Variants in TMEM243 observed in about 807,000 individuals in gnomAD.
TMEM243 encodes the protein MDR1 and mitochondrial taxol resistance associated.
TMEM243 carries 20 observed loss-of-function variants against 15.0 expected under a neutral mutation model. The ratio of observed to expected loss-of-function variants is 1.33; its 90% CI spans 0.94 to 1.93. The LOEUF (loss-of-function observed/expected upper bound fraction) is 1.93. TMEM243 is among the 30% of genes most tolerant of loss of function. TMEM243 has a pLI of 0.00. For synonymous variants in TMEM243, 72 were observed against 52.7 expected (o/e 1.37, Z -1.59); for missense variants, 156 against 142.1 (o/e 1.10, Z -0.50).
intron 1 of TMEM243, among the ~76,000 whole-genome samples, chr7:87,200,039 A>G (rs1562877391): frequency 6.6e-6 from 1 of 152,190 alleles, no homozygotes; most frequent in Non-Finnish European, 1.5e-5. Flanking sequence ...TGGGAAGGAC[A>G]CAGGAACAAT....
chr7:87,213,580 TTTCTC>T (rs1251441101), intron 1 of TMEM243, among the ~76,000 whole-genome samples: 1 of 152,200 alleles, frequency 6.6e-6, no homozygotes, highest in Non-Finnish European at 1.5e-5. Flanking sequence ...CTTTATTCTT[TTTCTC>T]TTCTTTGCAT....
rs955579237 is a variant in TMEM243, at chr7:87,219,607, T to G, written c.-104A>C. 3 of 1,042,254 alleles carry G rather than the reference T, an allele frequency of 2.9e-6. No individual in the cohort carries two copies. The highest frequency in any genetic ancestry group is 2.6e-5 in the East Asian group (1 of 38,878). 64.6% of individuals were successfully genotyped at this position (1,042,254 alleles called of 1,614,324 possible). A position where few individuals can be genotyped will look rare whatever the true frequency, so the allele number is the denominator to read the frequency against. On this transcript the variant is annotated 5_prime_UTR_variant, in exon 1 of 4. An upstream start codon of the reference 5' UTR is lost. Coordinates refer to ENST00000257637, the MANE Select transcript of TMEM243 (RefSeq NM_024315.4). ...AAGCCTCCTCCTCACGGCTCCCGCA[T>G]AGCCGAACCCGAGTGGTCGGGGAAG...
chr7:87,219,401 G>C (rs201692599), intron 1 of TMEM243, 25 bp downstream of exon 1: 256 of 1,611,592 alleles, frequency 1.6e-4, no homozygotes, highest in Non-Finnish European at 2.1e-4. Flanking sequence ...CCCCATCCCA[G>C]TCTGGAGTCA....
chr7:87,212,052 T>G (rs1301925576), intron 1 of TMEM243, among the ~76,000 whole-genome samples: 1 of 152,206 alleles, frequency 6.6e-6, no homozygotes, highest in Non-Finnish European at 1.5e-5. Flanking sequence ...ATTTTAAAAG[T>G]TACAACTTTT....
At chr7:87,197,465 C>A (rs1431797090) in intron 3 of TMEM243, among the ~76,000 whole-genome samples, 1 of 152,036 alleles carries the variant, frequency 6.6e-6, no homozygotes, top group Non-Finnish European at 1.5e-5. Context: ...ACAACAACTG[C>A]AGCTTTAGAT....
chr7:87,209,782 GAC>G (rs1455151429), intron 1 of TMEM243, among the ~76,000 whole-genome samples: 1 of 142,976 alleles, frequency 7.0e-6, no homozygotes, highest in Non-Finnish European at 1.5e-5. Flanking sequence ...GACAGAGCGA[GAC>G]AGTGAGAGCG....
chr7:87,213,274 A>G (rs750466264), intron 1 of TMEM243, among the ~76,000 whole-genome samples: 3 of 152,116 alleles, frequency 2.0e-5, no homozygotes, highest in Non-Finnish European at 4.4e-5. Flanking sequence ...CTAGGGGTGG[A>G]AGAGAGAAAA....
intron 1 of TMEM243, among the ~76,000 whole-genome samples, chr7:87,201,135 AAGAT>A (rs1801775583): frequency 3.9e-5 from 6 of 152,242 alleles, no homozygotes; most frequent in Non-Finnish European, 1.5e-5. Context: ...TGGGATTCCC[AAGAT>A]GGGATGAACT....
rs1384719799 is a variant in TMEM243 at position 87,209,689 on chromosome 7, AGAGAGCGAGACACAGT to A, written c.78+9721_78+9736del. Among the ~76,000 whole-genome samples the A allele has an allele frequency of 2.1e-3, 127 of 61,462 alleles. 2 individuals are homozygous for A. Among genetic ancestry groups the A allele is most frequent in the South Asian group, 7.2e-3 (10 of 1,390 alleles). 40.3% of individuals were successfully genotyped at this position (61,462 alleles called of 152,430 possible). On this transcript the variant is annotated intron_variant, in intron 1 of 3. Coordinates refer to ENST00000257637, the MANE Select transcript of TMEM243 (RefSeq NM_024315.4). ...GAGAGAGCGAGAGCGAGACACAGCG[AGAGAGCGAGACACAGT>A]GAGAGCGAGACACAGTGAGAGCGAG...
rs544620787 is a variant in TMEM243, at chr7:87,202,367, C to G, written c.79-3310G>C. ...TGGGAGAACAAAAGCATTGCTGTTACAAAAAATCAATGGGACAAATGGAGA... is the reference window on the plus strand; with the variant it reads ...TGGGAGAACAAAAGCATTGCTGTTAGAAAAAATCAATGGGACAAATGGAGA... On this transcript the variant is annotated intron_variant, in intron 1 of 3. Transcript: ENST00000257637. 1.1e-4 allele frequency among the ~76,000 whole-genome samples: 16 copies of G among 152,124 alleles called. No individual in the cohort carries two copies. In the South Asian group the frequency reaches 3.3e-3, roughly 32 times the overall value.
In TMEM243 at chr7:87,197,819, G is replaced by A. The variant is rs1801447517; in HGVS notation, c.234+122C>T. 5 of 1,550,616 alleles carry A rather than the reference G, an allele frequency of 3.2e-6. No individual in the cohort carries two copies. In the African/African-American group the frequency reaches 4.1e-5, roughly 13 times the overall value. On this transcript the variant is annotated intron_variant, in intron 3 of 3. Transcript: ENST00000257637. ...ATTGAGAATTCTAACATACTTTTAG[G>A]GGGAGGATGAGGATATAATTAAGAG... is the stretch of plus-strand genomic sequence containing the variant.
chr7:87,199,300 T>A, intron 1 of TMEM243: 1 of 419,184 alleles, frequency 2.4e-6, no homozygotes, highest in Non-Finnish European at 4.2e-6. Flanking sequence ...ACTAGAGTCT[T>A]GATTGGGTAG....
At chr7:87,214,693 A>G (rs1290559355) in intron 1 of TMEM243, among the ~76,000 whole-genome samples, 2 of 152,240 alleles carry the variant, frequency 1.3e-5, no homozygotes, top group East Asian at 3.8e-4. Flanking sequence ...GAATCACCAT[A>G]ACATTTCAGC....
intron 1 of TMEM243, among the ~76,000 whole-genome samples, chr7:87,216,480 A>G (rs1803132292): frequency 6.6e-6 from 1 of 152,190 alleles, no homozygotes; most frequent in Non-Finnish European, 1.5e-5. Context: ...TTTATGGAAC[A>G]ATAGAGAACT....
At chr7:87,202,575 CTA>C (rs1801894290) in intron 1 of TMEM243, among the ~76,000 whole-genome samples, 1 of 152,210 alleles carries the variant, frequency 6.6e-6, no homozygotes, top group African/African-American at 2.4e-5. Context: ...AGTGTTATCT[CTA>C]TTTACCAATG....
In TMEM243 at chr7:87,198,028, A is replaced by C. The variant is rs1303988959; in HGVS notation, c.147T>G (p.Ala49=). ...SLLILVTLIS[A]FVFPQLPPKP... ...TTGGAGGTAGTTGAGGGAAAACAAA[A>C]GCACTTATCAGCGTTACCTGTATGA... is the stretch of plus-strand genomic sequence containing the variant. The change falls in exon 3 of 4, where the codon GCT becomes GCG. Residue 49 remains alanine (A), a synonymous_variant. Transcript: ENST00000257637. The C allele has an allele frequency of 1.2e-6, 2 of 1,612,432 alleles. No homozygotes were observed. Among genetic ancestry groups the C allele is most frequent in the Non-Finnish European group, 1.7e-6 (2 of 1,179,044 alleles).
At chr7:87,203,773 G>A (rs1244258917) in intron 1 of TMEM243, among the ~76,000 whole-genome samples, 1 of 151,950 alleles carries the variant, frequency 6.6e-6, no homozygotes, top group Non-Finnish European at 1.5e-5. Context: ...GCTCTAAAAA[G>A]AATTTGTCCC....
chr7:87,198,296 C>G, intron 2 of TMEM243: 1 of 368,450 alleles, frequency 2.7e-6, no homozygotes, highest in Non-Finnish European at 4.8e-6. Flanking sequence ...GCCAAAATAA[C>G]TTCATTAACT....
At chr7:87,199,591 A>G (rs1801631364) in intron 1 of TMEM243, 1 of 152,280 alleles carries the variant, frequency 6.6e-6, no homozygotes, top group Non-Finnish European at 1.5e-5. Context: ...CATCCAGTCC[A>G]GTAGTTTTTC....
Sources: gnomAD v4.1 joint callset for allele counts (sites outside exome capture counted in the v4.1 genomes callset) on GRCh38, gnomAD v4.1.1 for gene constraint, MANE v1.5 for transcripts, NCBI Gene and HGNC (gene_info 2026-07-23, HGNC 2026-07-21) for gene names.